The following SMAGP variants were observed in gnomAD, a reference collection of about 807,000 sequenced individuals.
SMAGP encodes the protein small cell adhesion glycoprotein, also known as small cell transmembrane and glycosylated protein.
In SMAGP, 7 loss-of-function variants were observed where a neutral mutation model predicts 10.1. That is an observed-to-expected ratio of 0.70 (90% confidence interval 0.40 to 1.31). The LOEUF (loss-of-function observed/expected upper bound fraction) is 1.31, where lower values mean the gene tolerates loss of function less well. SMAGP is among the 50% of genes most tolerant of loss of function. The pLI, the probability that SMAGP is intolerant of heterozygous loss-of-function variation, is 0.01. For synonymous variants in SMAGP, 49 were observed against 47.2 expected (o/e 1.04, Z -0.16); for missense variants, 113 against 116.5 (o/e 0.97, Z 0.14).
intron 2 of SMAGP, among the ~76,000 whole-genome samples, chr12:51,248,243 C>T (rs1009863248): frequency 2.6e-5 from 4 of 152,194 alleles, no homozygotes; most frequent in African/African-American, 9.6e-5. Flanking sequence ...CCTGATGAAC[C>T]ATCCTCATCT....
chr12:51,256,285 A>G (rs1944883677), intron 2 of SMAGP, among the ~76,000 whole-genome samples: 1 of 152,080 alleles, frequency 6.6e-6, no homozygotes. Context: ...AAGTTCAGAT[A>G]TGAAGATTAG....
intron 2 of SMAGP, among the ~76,000 whole-genome samples, chr12:51,268,314 T>G (rs1944995287): frequency 6.6e-6 from 1 of 152,132 alleles, no homozygotes; most frequent in South Asian, 2.1e-4. Context: ...ATGGGTTGTC[T>G]CATTTAATCT....
At chr12:51,246,541 G>C in intron 3 of SMAGP, 1 of 460,826 alleles carries the variant, frequency 2.2e-6, no homozygotes, top group Non-Finnish European at 3.8e-6. Flanking sequence ...TCTATTTGCG[G>C]CCACCTCCCA....
At chr12:51,260,319 T>C (rs1944920805) in intron 2 of SMAGP, among the ~76,000 whole-genome samples, 1 of 151,298 alleles carries the variant, frequency 6.6e-6, no homozygotes. Context: ...ACCTCCCAAG[T>C]AGCTGGGAGT....
rs1167652878 is a variant in SMAGP, at chr12:51,269,274, G to A, written c.5C>T (p.Thr2Ile). ...TGGAGAAGGAGTAGTCAGGAGGCTG[G>A]TCATTGTCACTAGTGGTTGAGTTTC... M[T>I]SLLTTPSPRE... Residue 2 changes from threonine to isoleucine, a missense_variant, in exon 2 of 4, where the codon ACC becomes ATC. Thr to Ile is a moderately conservative substitution (Grantham distance 89). Transcript: ENST00000603798. 2 of 1,613,976 alleles carry A rather than the reference G, an allele frequency of 1.2e-6. No homozygotes were observed. Among genetic ancestry groups the A allele is most frequent in the Admixed American group, 1.7e-5 (1 of 60,020 alleles).
chr12:51,252,168 AC>A (rs1272872982), intron 2 of SMAGP, among the ~76,000 whole-genome samples: 1 of 150,690 alleles, frequency 6.6e-6, no homozygotes, highest in Non-Finnish European at 1.5e-5. Context: ...ATGTTGGCTC[AC>A]TGCAACCTCT....
At chr12:51,249,922 A>C (rs1472452811) in intron 2 of SMAGP, among the ~76,000 whole-genome samples, 1 of 152,084 alleles carries the variant, frequency 6.6e-6, no homozygotes, top group Non-Finnish European at 1.5e-5. Context: ...TCGCCTATAC[A>C]TATGGATTCA....
intron 2 of SMAGP, among the ~76,000 whole-genome samples, chr12:51,259,041 A>AG (rs1173356711): frequency 6.7e-6 from 1 of 150,294 alleles, no homozygotes; most frequent in Non-Finnish European, 1.5e-5. Context: ...GGAGGATTCT[A>AG]GAGGATCACT....
At chr12:51,254,138 T>C (rs1436859442) in intron 2 of SMAGP, among the ~76,000 whole-genome samples, 3 of 152,240 alleles carry the variant, frequency 2.0e-5, no homozygotes, top group Middle Eastern at 3.2e-3. Context: ...TTAATACTGC[T>C]GGACTGTACA....
chr12:51,261,127 A>C (rs1592236428), intron 2 of SMAGP, among the ~76,000 whole-genome samples: 8 of 108,044 alleles, frequency 7.4e-5, no homozygotes, highest in South Asian at 2.8e-4. Context: ...ACGGAGTCTC[A>C]CTCTGTCACC....
rs1176764118 is a variant in SMAGP at position 51,264,404 on chromosome 12, G to A, written c.34+4841C>T. Among the ~76,000 whole-genome samples the A allele has an allele frequency of 2.6e-5, 4 of 152,186 alleles. 1 individual carries two copies. The South Asian group carries it at 8.3e-4, about 32-fold the overall frequency. On this transcript the variant is annotated intron_variant, in intron 2 of 3. Transcript: ENST00000603798. ...TCTCAACAACTCAGGGGCAGAGGAA[G>A]GAGCATGGCTTCAGGCCGGGAGAGT... is the stretch of plus-strand genomic sequence containing the variant.
chr12:51,246,260 T>C (rs1178426300), intron 3 of SMAGP, 141 bp from the exon 4 acceptor site: 1 of 1,267,368 alleles, frequency 7.9e-7, no homozygotes, highest in Non-Finnish European at 1.1e-6. Context: ...TCCAAACCCA[T>C]GTTCCCCCAC....
chr12:51,258,152 C>A (rs911976835), intron 2 of SMAGP, among the ~76,000 whole-genome samples: 29 of 151,698 alleles, frequency 1.9e-4, no homozygotes, highest in African/African-American at 7.0e-4. Context: ...AGGTAACAGA[C>A]CCTGTCTCTC....
At chr12:51,253,872 C>CT (rs1944863279) in intron 2 of SMAGP, among the ~76,000 whole-genome samples, 2 of 149,394 alleles carry the variant, frequency 1.3e-5, no homozygotes, top group Admixed American at 6.6e-5. Context: ...TGCCACTGCA[C>CT]TCCAGCCCAG....
rs952506422 is a variant in SMAGP, at chr12:51,261,842, G to A, written c.34+7403C>T. ...TGGAAACAGTTGCTAAAACGAATAT[G>A]AGATCTACAATATTACTGGGACAGG... On this transcript the variant is annotated intron_variant, in intron 2 of 3. Transcript: ENST00000603798. Among the ~76,000 whole-genome samples the A allele has an allele frequency of 2.1e-4, 32 of 151,798 alleles. 1 individual carries two copies. The highest frequency in any genetic ancestry group is 2.9e-5 in the Non-Finnish European group (2 of 68,006).
chr12:51,268,223 G>C (rs534195233), intron 2 of SMAGP, among the ~76,000 whole-genome samples: 87 of 151,926 alleles, frequency 5.7e-4, no homozygotes, highest in Non-Finnish European at 9.4e-4. Context: ...GGGAAAGATG[G>C]GTTTCTAACA....
At chr12:51,252,557 A>G (rs2137299489) in intron 2 of SMAGP, among the ~76,000 whole-genome samples, 1 of 151,906 alleles carries the variant, frequency 6.6e-6, no homozygotes, top group East Asian at 1.9e-4. Context: ...ACACCCGGCT[A>G]ATTTTTGTAT....
At chr12:51,255,139 G>A (rs1485031752) in intron 2 of SMAGP, among the ~76,000 whole-genome samples, 1 of 152,090 alleles carries the variant, frequency 6.6e-6, no homozygotes, top group South Asian at 2.1e-4. Context: ...AGGCTCAAGC[G>A]ATCCTCCTGC....
intron 2 of SMAGP, among the ~76,000 whole-genome samples, chr12:51,265,720 A>G (rs1299014375): frequency 6.6e-6 from 1 of 152,174 alleles, no homozygotes; most frequent in Non-Finnish European, 1.5e-5. Context: ...TCAGTGTTTA[A>G]TGGGTGTCAA....
Sources: allele counts gnomAD v4.1 joint callset (sites outside exome capture counted in the v4.1 genomes callset), GRCh38; gene constraint gnomAD v4.1.1; transcripts MANE v1.5; gene names NCBI Gene and HGNC (gene_info 2026-07-23, HGNC 2026-07-21).